REV3L: variants seen among roughly 807,000 people sequenced by gnomAD.
REV3L encodes DNA polymerase zeta catalytic subunit.
A neutral mutation model predicts 299.4 loss-of-function variants in REV3L; 69 were observed. The observed-to-expected ratio is 0.23, with a 90% CI of 0.19 to 0.28. The LOEUF is 0.28. Among genes scored for constraint, REV3L ranks in the 10% least tolerant of loss-of-function variants. The probability of loss-of-function intolerance (pLI) is 1.00; values close to 1 mark genes in which losing one functional copy is unlikely to be tolerated. For missense variants in REV3L, 3,128 were observed against 3,693.8 expected (o/e 0.85, Z 3.97); for synonymous variants, 1,238 against 1,271.4 (o/e 0.97, Z 0.56).
intron 26 of REV3L, among the ~76,000 whole-genome samples, chr6:111,318,756 G>C (rs1218475611): frequency 6.6e-6 from 1 of 152,018 alleles, no homozygotes; most frequent in Non-Finnish European, 1.5e-5. Context: ...TTTTAGTAGA[G>C]ACGGGGTTTC....
chr6:111,316,815 A>G (rs1407759463), intron 26 of REV3L, among the ~76,000 whole-genome samples: 1 of 152,256 alleles, frequency 6.6e-6, no homozygotes, highest in African/African-American at 2.4e-5. Context: ...CACTTTGTGT[A>G]TATCTGTAAA....
intron 31 of REV3L, among the ~76,000 whole-genome samples, chr6:111,305,679 C>T (rs1014782114): frequency 6.6e-6 from 1 of 152,036 alleles, no homozygotes; most frequent in African/African-American, 2.4e-5. Context: ...AAATTGATGG[C>T]ACCAAGTAGT....
intron 26 of REV3L, among the ~76,000 whole-genome samples, chr6:111,317,326 A>G (rs1224692291): frequency 6.6e-6 from 1 of 152,360 alleles, no homozygotes; most frequent in South Asian, 2.1e-4. Context: ...AGTCTTTAAA[A>G]TAAATATTGT....
intron 9 of REV3L, among the ~76,000 whole-genome samples, chr6:111,385,420 G>A (rs1324742671): frequency 6.6e-6 from 1 of 151,874 alleles, no homozygotes; most frequent in African/African-American, 2.4e-5. Flanking sequence ...AAAGTAAAAT[G>A]TAAAATTTCA....
At chr6:111,321,201 A>G (rs1203892659) in intron 26 of REV3L, among the ~76,000 whole-genome samples, 2 of 152,272 alleles carry the variant, frequency 1.3e-5, no homozygotes, top group East Asian at 3.9e-4. Flanking sequence ...AGCTCTCCCC[A>G]AGTATGAAAA....
At chr6:111,479,573 G>A (rs1793370571) in intron 1 of REV3L, among the ~76,000 whole-genome samples, 1 of 148,938 alleles carries the variant, frequency 6.7e-6, no homozygotes, top group Non-Finnish European at 1.5e-5. Context: ...GCAGTGGCGT[G>A]ATCTTGGCTC....
intron 28 of REV3L, chr6:111,311,795 T>C (rs1773004183): frequency 6.7e-6 from 1 of 149,584 alleles, no homozygotes; most frequent in East Asian, 2.0e-4. Flanking sequence ...ATGCAGTGGA[T>C]TTATGTAAGA....
chr6:111,302,641 A>C (rs1173086511), intron 31 of REV3L, among the ~76,000 whole-genome samples: 2 of 152,210 alleles, frequency 1.3e-5, no homozygotes, highest in Non-Finnish European at 2.9e-5. Flanking sequence ...ACAGTGGCTC[A>C]TGCCTGTAAT....
intron 31 of REV3L, among the ~76,000 whole-genome samples, chr6:111,307,015 C>T (rs1236794371): frequency 1.5e-5 from 2 of 131,728 alleles, no homozygotes; most frequent in African/African-American, 4.9e-5. Flanking sequence ...TTGAGAGTCA[C>T]GTTGGTGCTC....
At chr6:111,456,068 T>C (rs772008361) in intron 1 of REV3L, among the ~76,000 whole-genome samples, 2 of 152,238 alleles carry the variant, frequency 1.3e-5, no homozygotes, top group African/African-American at 4.8e-5. Context: ...AATATATTTT[T>C]ATTTATACAT....
chr6:111,372,444 T>G (rs1779892751), intron 13 of REV3L, 152 bp downstream of exon 13: 2 of 516,732 alleles, frequency 3.9e-6, no homozygotes, highest in Non-Finnish European at 6.1e-6. Flanking sequence ...AGAAATACTT[T>G]CCACAATGAT....
chr6:111,325,355 A>C (rs1774667475), intron 25 of REV3L, among the ~76,000 whole-genome samples: 1 of 152,248 alleles, frequency 6.6e-6, no homozygotes, highest in Non-Finnish European at 1.5e-5. Flanking sequence ...TCCAACTGAG[A>C]CAGAGACATT....
chr6:111,300,787 G>C lies in REV3L; in HGVS notation c.9253-631C>G, dbSNP rs181602426. 1.9e-3 allele frequency among the ~76,000 whole-genome samples: 295 copies of C among 152,278 alleles called. 1 individual carries two copies. The highest frequency in any genetic ancestry group is 7.0e-3 in the African/African-American group (289 of 41,558). ...TCTTTTAATTCCGTCATCTCCGTAAGCTGAGGATGTATATCGCCTCAGGAC... is the reference window on the plus strand; with the variant it reads ...TCTTTTAATTCCGTCATCTCCGTAACCTGAGGATGTATATCGCCTCAGGAC... On this transcript the variant is annotated intron_variant, in intron 31 of 31. Coordinates refer to ENST00000368802, the MANE Select transcript of REV3L (RefSeq NM_001372078.1).
intron 1 of REV3L, among the ~76,000 whole-genome samples, chr6:111,418,295 A>G (rs1049772823): frequency 2.6e-5 from 4 of 152,234 alleles, no homozygotes; most frequent in Admixed American, 1.3e-4. Flanking sequence ...TATAGTCAAT[A>G]TATCTCAATA....
chr6:111,472,121 G>A (rs1281164082), intron 1 of REV3L: 1 of 1,274,800 alleles, frequency 7.8e-7, no homozygotes, highest in Non-Finnish European at 1.0e-6. Flanking sequence ...GCTTTTATGT[G>A]GCTTGTCTTG....
At chr6:111,435,981 T>C (rs1293755975) in intron 1 of REV3L, among the ~76,000 whole-genome samples, 1 of 152,168 alleles carries the variant, frequency 6.6e-6, no homozygotes, top group East Asian at 1.9e-4. Context: ...ATAATCTGAT[T>C]TTTAAATAGG....
intron 21 of REV3L, among the ~76,000 whole-genome samples, chr6:111,336,906 C>G (rs1350364530): frequency 6.6e-6 from 1 of 152,086 alleles, no homozygotes; most frequent in Non-Finnish European, 1.5e-5. Context: ...TAAAAGAAGC[C>G]AGCCACAAAA....
intron 1 of REV3L, chr6:111,472,290 T>C (rs1445235647): frequency 1.4e-5 from 4 of 281,800 alleles, no homozygotes; most frequent in Non-Finnish European, 2.8e-5. Flanking sequence ...TAATTTAGTA[T>C]ATAAATTACT....
chr6:111,388,487 T>C (rs1201406003), intron 7 of REV3L, among the ~76,000 whole-genome samples: 2 of 152,214 alleles, frequency 1.3e-5, no homozygotes, highest in Non-Finnish European at 2.9e-5. Flanking sequence ...AACTTCAATA[T>C]AGGCTTACTG....
Sources: gnomAD v4.1 joint callset for allele counts (sites outside exome capture counted in the v4.1 genomes callset) on GRCh38, gnomAD v4.1.1 for gene constraint, MANE v1.5 for transcripts, NCBI Gene and HGNC (gene_info 2026-07-23, HGNC 2026-07-21) for gene names.